Variants in HTT observed in about 807,000 individuals in gnomAD.
HTT encodes the protein huntingtin.
In HTT, 104 loss-of-function variants were observed where a neutral mutation model predicts 362.3. The ratio of observed to expected loss-of-function variants is 0.29; its 90% CI spans 0.24 to 0.34. The LOEUF (loss-of-function observed/expected upper bound fraction) is 0.34. Among genes scored for constraint, HTT ranks in the 10% least tolerant of loss-of-function variants. The pLI is 1.00. For missense variants in HTT, 3,301 were observed against 3,928.6 expected (o/e 0.84, Z 4.27); for synonymous variants, 1,577 against 1,548.7 (o/e 1.02, Z -0.43).
chr4:3,236,073 C>T (rs1164074622), intron 63 of HTT, 76 bp from the exon 64 acceptor site: 2 of 1,054,886 alleles, frequency 1.9e-6, no homozygotes, highest in Admixed American at 1.7e-5. Context: ...CACTGGACCC[C>T]TGTGTACAAA....
intron 14 of HTT, among the ~76,000 whole-genome samples, chr4:3,130,941 A>G (rs184716778): frequency 1.2e-3 from 176 of 152,142 alleles, no homozygotes; most frequent in Non-Finnish European, 2.0e-3. Flanking sequence ...CCTTTCCCCA[A>G]GTAGCTTCTG....
rs375434619 is a variant in HTT, at chr4:3,134,558, A to G, written c.2633+18A>G. 117 of 1,606,284 alleles carry G rather than the reference A, an allele frequency of 7.3e-5. No individual in the cohort carries two copies. The African/African-American group carries it at 9.2e-4, about 13-fold the overall frequency. Reference sequence around the variant, plus strand: ...GACTTCAGGTAAGTGAGTCACATCCATTAGATTTCATGAACTAAGCTCAAT... The same window carrying G: ...GACTTCAGGTAAGTGAGTCACATCCGTTAGATTTCATGAACTAAGCTCAAT... On this transcript the variant is annotated intron_variant, in intron 19 of 66. Coordinates refer to ENST00000355072, the MANE Select transcript of HTT (RefSeq NM_001388492.1).
At position 3,086,746 on chromosome 4, in the gene HTT, C is replaced by T. The variant is rs11943030; in HGVS notation, c.264-193C>T. 3.6e-3 allele frequency among the ~76,000 whole-genome samples: 547 copies of T among 152,256 alleles called. 3 individuals are homozygous for T. The highest frequency in any genetic ancestry group is 0.013 in the African/African-American group (530 of 41,540). Reference sequence around the variant, plus strand: ...CATCATCTGTTTTTTCTGTGAGCAGCGTAGCTTGACAGCCATTGGTGAACT... The same window carrying T: ...CATCATCTGTTTTTTCTGTGAGCAGTGTAGCTTGACAGCCATTGGTGAACT... On this transcript the variant is annotated intron_variant, in intron 1 of 66. Coordinates refer to ENST00000355072, the MANE Select transcript of HTT (RefSeq NM_001388492.1).
At chr4:3,134,289 C>T in intron 18 of HTT, 112 bp from the exon 19 acceptor site, 1 of 812,766 alleles carries the variant, frequency 1.2e-6, no homozygotes, top group Non-Finnish European at 1.9e-6. Flanking sequence ...ATCCTGGTTG[C>T]AGTTAAACCC....
chr4:3,074,932 A>AACAGCC lies in HTT; in HGVS notation c.107_108insACAGCC (p.Gln37_Gln38insProGln), dbSNP rs1491040170. 1 of 1,277,748 alleles carries AACAGCC rather than the reference A, an allele frequency of 7.8e-7. No homozygotes were observed. The highest frequency in any genetic ancestry group is 1.0e-6 in the Non-Finnish European group (1 of 963,928). The allele number at this position is 1,277,748 out of a possible 1,614,324, so 79.2% of individuals were successfully genotyped here. The stretch of plus-strand genomic sequence containing the variant: ...CAGCAGCAGCAGCAGCAGCAGCAGC[A>AACAGCC]GCAACAGCCGCCACCGCCGCCGCCG... On this transcript the variant is annotated inframe_insertion, in exon 1 of 67. Transcript: ENST00000355072.
Position 3,208,830 on chromosome 4 carries a change from A to G in HTT, c.6210A>G (p.Ser2070=). 6.2e-7 allele frequency: 1 copy of G among 1,613,574 alleles called. No homozygotes were observed. Among genetic ancestry groups the G allele is most frequent in the Non-Finnish European group, 8.5e-7 (1 of 1,179,578 alleles). ...DRFRLSTMQD[S]LSPSPPVSSH... ...TTCGTCTCTCCACCATGCAAGACTC[A>G]CTTAGTCCCTCTCCTCCAGTCTCTT... Residue 2070 remains serine (S), a synonymous_variant, in exon 46 of 67, where the codon TCA becomes TCG. Transcript: ENST00000355072.
Position 3,121,643 on chromosome 4 carries a change from G to A in HTT, c.1273+211G>A, listed in dbSNP as rs1578515408. On this transcript the variant is annotated intron_variant, in intron 9 of 66. Transcript: ENST00000355072. ...GTAATTTCAGCACTTTGGAAGGATC[G>A]CTTCAGCCCAGGAGTTTGAGACAAC... 4 of 400,100 alleles carry A rather than the reference G, an allele frequency of 1.0e-5. No homozygotes were observed. The South Asian group carries it at 1.3e-4, about 13-fold the overall frequency. 24.8% of individuals were successfully genotyped at this position (400,100 alleles called of 1,614,324 possible).
intron 30 of HTT, 31 bp from the exon 31 acceptor site, chr4:3,172,877 C>A: frequency 6.9e-7 from 1 of 1,456,116 alleles, no homozygotes; most frequent in Non-Finnish European, 9.7e-7. Context: ...GTTCACGCCA[C>A]ATTGTTGATG....
At position 3,135,964 on chromosome 4, in the gene HTT, A is replaced by G; in HGVS notation, c.2694A>G (p.Thr898=). ...ENLHRGAHHY[T]GLLKLQERVL... ...TACACAGAGGGGCTCATCATTATACAGGGGTAAGCGGTTTATTTTTGTGAG... is the reference window on the plus strand; with the variant it reads ...TACACAGAGGGGCTCATCATTATACGGGGGTAAGCGGTTTATTTTTGTGAG... The change falls in exon 20 of 67, where the codon ACA becomes ACG. Residue 898 remains threonine (T), a synonymous_variant. Transcript: ENST00000355072. The G allele has an allele frequency of 6.3e-7, 1 of 1,594,214 alleles. No homozygotes were observed. Among genetic ancestry groups the G allele is most frequent in the Non-Finnish European group, 8.5e-7 (1 of 1,172,542 alleles).
At chr4:3,082,643 T>C (rs1270467803) in intron 1 of HTT, among the ~76,000 whole-genome samples, 2 of 152,052 alleles carry the variant, frequency 1.3e-5, no homozygotes, top group East Asian at 1.9e-4. Context: ...TACATGCACA[T>C]TGGAGTTTGG....
At chr4:3,239,780 C>G in intron 66 of HTT, 66 bp from the exon 67 acceptor site, 3 of 1,294,574 alleles carry the variant, frequency 2.3e-6, no homozygotes, top group Non-Finnish European at 3.3e-6. Context: ...AGAGGAACTC[C>G]CAGGTGAGGA....
At chr4:3,154,476 CAT>C (rs1390536961) in intron 27 of HTT, 57 bp downstream of exon 27, 3 of 1,582,794 alleles carry the variant, frequency 1.9e-6, no homozygotes, top group Non-Finnish European at 8.6e-7. Context: ...CATGTAGAAA[CAT>C]AGGATTTAAG....
rs1283316895 is a variant in HTT at position 3,106,676 on chromosome 4, CT to C, written c.609-608del. Among the ~76,000 whole-genome samples, 3 of 151,996 alleles carry C rather than the reference CT, an allele frequency of 2.0e-5. No individual in the cohort carries two copies. The East Asian group carries it at 5.8e-4, about 29-fold the overall frequency. Reference sequence around the variant, plus strand: ...GATTAGAGTCAGGTTTTTCTTCCTCCTGATGGTTTTTTTTTCCCCCTTAGTT... The same window carrying C: ...GATTAGAGTCAGGTTTTTCTTCCTCCGATGGTTTTTTTTTCCCCCTTAGTT... On this transcript the variant is annotated intron_variant, in intron 5 of 66. Transcript: ENST00000355072.
intron 38 of HTT, 119 bp downstream of exon 38, chr4:3,186,838 CTTTTTT>C (rs1160738052): frequency 3.4e-3 from 852 of 250,028 alleles, no homozygotes; most frequent in Middle Eastern, 7.4e-3. Flanking sequence ...TGAGAGTTTG[CTTTTTT>C]TTTTTTTTTT....
intron 33 of HTT, 75 bp from the exon 34 acceptor site, chr4:3,177,257 A>T (rs1718282963): frequency 1.1e-6 from 1 of 941,842 alleles, no homozygotes; most frequent in East Asian, 2.4e-5. Context: ...TATGCAGATA[A>T]GCAGGAGGAA....
Position 3,131,751 on chromosome 4 carries a change from C to G in HTT, c.2212C>G (p.Pro738Ala), listed in dbSNP as rs1288634335. ...TTTCTTCAGCAAACTCTATAAAGTT[C>G]CTCTTGACACCACGGAATACCCTGG... ...ESFFSKLYKVPLDTTEYPEEQ... is the reference protein window; with the variant it reads ...ESFFSKLYKVALDTTEYPEEQ... The change falls in exon 16 of 67, where the codon CCT (proline) becomes GCT (alanine). Residue 738 changes from proline to alanine, a missense_variant. By Grantham distance (27) the Pro-to-Ala change is conservative. Transcript: ENST00000355072. 1 of 1,613,992 alleles carries G rather than the reference C, an allele frequency of 6.2e-7. No individual in the cohort carries two copies. The highest frequency in any genetic ancestry group is 1.7e-5 in the Admixed American group (1 of 60,014).
intron 26 of HTT, among the ~76,000 whole-genome samples, chr4:3,149,112 G>C (rs1352520611): frequency 6.6e-6 from 1 of 152,150 alleles, no homozygotes; most frequent in Non-Finnish European, 1.5e-5. Context: ...CCTCATTGCT[G>C]TCTCCTTAAA....
Position 3,187,807 on chromosome 4 carries a change from G to A in HTT, c.5146G>A (p.Asp1716Asn), listed in dbSNP as rs764984504. The A allele has an allele frequency of 3.7e-6, 6 of 1,613,306 alleles. No individual in the cohort carries two copies. Among genetic ancestry groups the A allele is most frequent in the Non-Finnish European group, 5.1e-6 (6 of 1,179,388 alleles). Residue 1716 changes from aspartate (D) to asparagine (N), a missense_variant, in exon 39 of 67, where the codon GAT becomes AAT. This residue lies in a region of HTT where 2,316 missense variants were observed against 2,658.5 expected (regional missense o/e 0.87). Coordinates refer to ENST00000355072, the MANE Select transcript of HTT (RefSeq NM_001388492.1). ...CTGTACAGTAATTAATAGGTTAAGA[G>A]ATGGGGACAGTACTTCAACGCTAGA... Reference protein sequence around the residue: ...ISCTVINRLRDGDSTSTLEEH... With the variant: ...ISCTVINRLRNGDSTSTLEEH...
intron 41 of HTT, among the ~76,000 whole-genome samples, chr4:3,201,733 G>C (rs1003539326): frequency 3.3e-5 from 5 of 152,168 alleles, no homozygotes; most frequent in African/African-American, 7.2e-5. Context: ...AGAGAGCAGA[G>C]CTGTTCTGGT....
Sources: gnomAD v4.1 joint callset for allele counts (sites outside exome capture counted in the v4.1 genomes callset) on GRCh38, gnomAD v4.1.1 for gene constraint, gnomAD v4.1.1 regional missense constraint, MANE v1.5 for transcripts, NCBI Gene and HGNC (gene_info 2026-07-23, HGNC 2026-07-21) for gene names.